The following HFM1 variants were observed in gnomAD, a reference collection of about 807,000 sequenced individuals.
The protein encoded by HFM1 is helicase for meiosis 1.
HFM1 carries 169 observed loss-of-function variants against 192.1 expected under a neutral mutation model. That is an observed-to-expected ratio of 0.88 (90% CI 0.78 to 1.00). HFM1 has a LOEUF of 1.00. Ranked by LOEUF, HFM1 falls within the 50% of genes least tolerant of loss-of-function variation. HFM1 has a pLI of 0.00. For synonymous variants in HFM1, 525 were observed against 537.8 expected (o/e 0.98, Z 0.33); for missense variants, 1,661 against 1,668.0 (o/e 1.00, Z 0.07).
At position 91,381,583 on chromosome 1, in the gene HFM1, A is replaced by G. The variant is rs539995122; in HGVS notation, c.803-601T>C. On this transcript the variant is annotated intron_variant, in intron 6 of 38. Transcript: ENST00000370425. The stretch of plus-strand genomic sequence containing the variant: ...AAAAATATTAACAGATATGAAGAAT[A>G]AACTGTCCCCTCTCCAAGGTGAGGG... Among the ~76,000 whole-genome samples, 52 of 152,308 alleles carry G rather than the reference A, an allele frequency of 3.4e-4. 1 individual carries two copies. The South Asian group carries it at 0.011, about 31-fold the overall frequency.
Position 91,370,232 on chromosome 1 carries a change from G to T in HFM1, c.1685+5126C>A, listed in dbSNP as rs12037980. 2.4e-3 allele frequency among the ~76,000 whole-genome samples: 372 copies of T among 151,970 alleles called. 1 individual carries two copies. Among genetic ancestry groups the T allele is most frequent in the African/African-American group, 8.3e-3 (343 of 41,458 alleles). On this transcript the variant is annotated intron_variant, in intron 13 of 38. Coordinates refer to ENST00000370425, the MANE Select transcript of HFM1 (RefSeq NM_001017975.6). ...AGAAAAAGAGGGAATCCTCCCTAAC[G>T]CATTTTATGAGGCCAGCATCATCCT... is the stretch of plus-strand genomic sequence containing the variant.
Position 91,395,115 on chromosome 1 carries a change from A to G in HFM1, c.185-713T>C, listed in dbSNP as rs534423098. Among the ~76,000 whole-genome samples the G allele has an allele frequency of 5.9e-5, 9 of 152,240 alleles. No homozygotes were observed. In the East Asian group the frequency reaches 1.5e-3, roughly 26 times the overall value. ...CCAATTTAAAAATTAAAATTTTACTAATATTACATTAGGTCACATACATTG... is the reference window on the plus strand; with the variant it reads ...CCAATTTAAAAATTAAAATTTTACTGATATTACATTAGGTCACATACATTG... On this transcript the variant is annotated intron_variant, in intron 3 of 38. Coordinates refer to ENST00000370425, the MANE Select transcript of HFM1 (RefSeq NM_001017975.6).
chr1:91,349,351 C>T (rs1656624267), intron 18 of HFM1, among the ~76,000 whole-genome samples: 1 of 151,998 alleles, frequency 6.6e-6, no homozygotes. Context: ...CTTAATCCCT[C>T]TCGCCTTCAT....
At chr1:91,361,042 A>G (rs1201687435) in intron 13 of HFM1, among the ~76,000 whole-genome samples, 2 of 152,198 alleles carry the variant, frequency 1.3e-5, no homozygotes, top group African/African-American at 4.8e-5. Context: ...ACACAGTTAA[A>G]GCAGTGTTAA....
rs115971333 is a variant in HFM1, at chr1:91,309,828, T to C, written c.3391+3521A>G. The stretch of plus-strand genomic sequence containing the variant: ...TCTTTTAAGACAAAAAATAATCACA[T>C]AATACTTACCTCCATGCATGAAAAA... On this transcript the variant is annotated intron_variant, in intron 30 of 38. Coordinates refer to ENST00000370425, the MANE Select transcript of HFM1 (RefSeq NM_001017975.6). Among the ~76,000 whole-genome samples the C allele has an allele frequency of 8.5e-3, 805 of 94,234 alleles. 4 individuals are homozygous for C. The highest frequency in any genetic ancestry group is 0.032 in the African/African-American group (773 of 24,244). The allele number at this position is 94,234 out of a possible 152,430, so 61.8% of individuals were successfully genotyped here. A position where few individuals can be genotyped will look rare whatever the true frequency, so the allele number is the denominator to read the frequency against.
At chr1:91,274,905 T>C (rs1666663987) in intron 32 of HFM1, 96 bp from the exon 33 acceptor site, 3 of 542,720 alleles carry the variant, frequency 5.5e-6, no homozygotes, top group Admixed American at 3.2e-5. Context: ...GTACATAAAG[T>C]CCCCAAATCA....
intron 13 of HFM1, among the ~76,000 whole-genome samples, chr1:91,359,012 G>A (rs531523028): frequency 7.9e-5 from 12 of 152,198 alleles, no homozygotes; most frequent in East Asian, 5.8e-4. Flanking sequence ...AGCAAACTGC[G>A]GCAGCTCTAC....
At chr1:91,377,785 A>C in intron 11 of HFM1, 2 of 476,610 alleles carry the variant, frequency 4.2e-6, no homozygotes, top group Admixed American at 4.1e-5. Context: ...GGAAACTAAG[A>C]CTGTTAGATA....
chr1:91,396,012 C>T (rs940992582), intron 3 of HFM1, among the ~76,000 whole-genome samples: 5 of 152,014 alleles, frequency 3.3e-5, no homozygotes, highest in African/African-American at 1.2e-4. Flanking sequence ...CCACGCCTAG[C>T]TAGTTTTTTT....
intron 30 of HFM1, among the ~76,000 whole-genome samples, chr1:91,297,051 G>T (rs542471993): frequency 9.2e-5 from 14 of 152,352 alleles, no homozygotes; most frequent in Non-Finnish European, 2.1e-4. Flanking sequence ...GTCAAAGAAA[G>T]GGGTGACAGA....
At chr1:91,273,660 A>T in intron 34 of HFM1, 52 bp downstream of exon 34, 1 of 920,486 alleles carries the variant, frequency 1.1e-6, no homozygotes. Flanking sequence ...TCGTCAATTC[A>T]AAGTAATAAT....
chr1:91,324,646 T>C (rs1652611443), intron 21 of HFM1, 29 bp downstream of exon 21: 2 of 977,398 alleles, frequency 2.0e-6, no homozygotes, highest in Non-Finnish European at 1.6e-6. Flanking sequence ...TACCACTATG[T>C]ATTTTTTTTC....
At chr1:91,359,164 G>A (rs1250598483) in intron 13 of HFM1, among the ~76,000 whole-genome samples, 3 of 152,104 alleles carry the variant, frequency 2.0e-5, no homozygotes, top group Non-Finnish European at 2.9e-5. Context: ...AAGAGTCAAC[G>A]TAAAAACACT....
chr1:91,383,152 G>A (rs1661759878), intron 6 of HFM1, among the ~76,000 whole-genome samples: 2 of 152,148 alleles, frequency 1.3e-5, no homozygotes, highest in African/African-American at 4.8e-5. Flanking sequence ...GGACACAAGT[G>A]TAGGCAGTAG....
At chr1:91,297,903 C>T (rs557808216) in intron 30 of HFM1, among the ~76,000 whole-genome samples, 14 of 151,988 alleles carry the variant, frequency 9.2e-5, no homozygotes, top group South Asian at 8.3e-4. Flanking sequence ...TCCAAAGGAA[C>T]GCAGCTCCTC....
chr1:91,374,868 T>C (rs1391198895), intron 13 of HFM1, among the ~76,000 whole-genome samples: 2 of 151,954 alleles, frequency 1.3e-5, no homozygotes, highest in Non-Finnish European at 2.9e-5. Context: ...CACCTAAGAG[T>C]GTGGCATTAG....
At chr1:91,355,161 C>A (rs282060) in intron 13 of HFM1, among the ~76,000 whole-genome samples, 152,064 of 152,250 alleles carry the variant, frequency 1, 75,939 homozygotes, top group Non-Finnish European at 1. Context: ...TATTATAACT[C>A]TAAGATATTT....
At chr1:91,289,391 C>A (rs979512697) in intron 30 of HFM1, among the ~76,000 whole-genome samples, 1 of 151,562 alleles carries the variant, frequency 6.6e-6, no homozygotes, top group Non-Finnish European at 1.5e-5. Flanking sequence ...GGCGGCCGGG[C>A]AGAAGGGCTC....
intron 13 of HFM1, among the ~76,000 whole-genome samples, chr1:91,354,781 C>T (rs1373984686): frequency 6.6e-6 from 1 of 151,916 alleles, no homozygotes; most frequent in African/African-American, 2.4e-5. Flanking sequence ...AAAGTCTCAG[C>T]CAGATAAATA....
Sources: allele counts gnomAD v4.1 joint callset (sites outside exome capture counted in the v4.1 genomes callset), GRCh38; gene constraint gnomAD v4.1.1; transcripts MANE v1.5; gene names NCBI Gene and HGNC (gene_info 2026-07-23, HGNC 2026-07-21).